CAMTA1: variants seen among roughly 807,000 people sequenced by gnomAD.
CAMTA1 encodes the protein calmodulin binding transcription activator 1, also known as calmodulin-binding transcription activator 1.
In CAMTA1, 27 loss-of-function variants were observed where a neutral mutation model predicts 170.9. That is an observed-to-expected ratio of 0.16 (90% CI 0.12 to 0.22). The LOEUF is 0.22. CAMTA1 is among the 10% of genes least tolerant of loss of function. The pLI is 1.00. For missense variants in CAMTA1, 1,619 were observed against 2,217.2 expected (o/e 0.73, Z 5.42); for synonymous variants, 833 against 891.5 (o/e 0.93, Z 1.17).
At chr1:7,076,169 G>T (rs1028545463) in intron 3 of CAMTA1, among the ~76,000 whole-genome samples, 2 of 152,194 alleles carry the variant, frequency 1.3e-5, no homozygotes, top group Non-Finnish European at 2.9e-5. Flanking sequence ...CTGCAGATCT[G>T]CTGGGACTGA....
At chr1:7,366,978 C>G (rs111543345) in intron 5 of CAMTA1, among the ~76,000 whole-genome samples, 16 of 149,922 alleles carry the variant, frequency 1.1e-4, no homozygotes, top group Non-Finnish European at 2.1e-4. Context: ...GCCTTCCCTT[C>G]TCCTCACCCC....
chr1:7,474,027 G>T (rs532302839), intron 6 of CAMTA1, among the ~76,000 whole-genome samples: 2 of 152,210 alleles, frequency 1.3e-5, no homozygotes, highest in Non-Finnish European at 2.9e-5. Context: ...CTGCCCTTCC[G>T]GGGCCACCCC....
At chr1:7,713,208 C>T (rs2096584607) in intron 11 of CAMTA1, among the ~76,000 whole-genome samples, 2 of 152,162 alleles carry the variant, frequency 1.3e-5, no homozygotes, top group Admixed American at 1.3e-4. Flanking sequence ...AACCATTTCC[C>T]ACACTGATCT....
At chr1:7,094,940 AAGAAG>A (rs1641892495) in intron 4 of CAMTA1, among the ~76,000 whole-genome samples, 1 of 152,032 alleles carries the variant, frequency 6.6e-6, no homozygotes. Flanking sequence ...GAATCTTGGA[AAGAAG>A]AGTGTCCTCT....
chr1:7,213,484 T>C (rs577002786), intron 4 of CAMTA1, among the ~76,000 whole-genome samples: 1 of 152,290 alleles, frequency 6.6e-6, no homozygotes, highest in Admixed American at 6.5e-5. Context: ...GCTTTGGGGG[T>C]TCTTTATATA....
intron 6 of CAMTA1, among the ~76,000 whole-genome samples, chr1:7,507,762 C>T (rs1263023524): frequency 6.6e-6 from 1 of 152,184 alleles, no homozygotes; most frequent in Non-Finnish European, 1.5e-5. Flanking sequence ...TAAGAGCAGA[C>T]CTGGACCCCA....
rs748201470 is a variant in CAMTA1, at chr1:7,007,354, C to T, written c.235-83950C>T. ...AGGGACCCGAAAATGGGAACCCTTG[C>T]TAAGGACACAGGCAGCTGTACGCCA... On this transcript the variant is annotated intron_variant, in intron 3 of 22. Coordinates refer to ENST00000303635, the MANE Select transcript of CAMTA1 (RefSeq NM_015215.4). The surrounding 1 kb of genome is among the most constrained non-coding windows in gnomAD (Gnocchi z 4.5). Among the ~76,000 whole-genome samples, 1 of 152,176 alleles carries T rather than the reference C, an allele frequency of 6.6e-6. No individual in the cohort carries two copies. The highest frequency in any genetic ancestry group is 2.4e-5 in the African/African-American group (1 of 41,426).
At chr1:6,953,042 T>C (rs2149484272) in intron 3 of CAMTA1, among the ~76,000 whole-genome samples, 1 of 152,280 alleles carries the variant, frequency 6.6e-6, no homozygotes. Context: ...ATCGGGTTCA[T>C]ATTTTTTGTA....
chr1:7,117,556 G>A lies in CAMTA1; in HGVS notation c.302+26185G>A, dbSNP rs552955113. Among the ~76,000 whole-genome samples the A allele has an allele frequency of 8.7e-4, 132 of 152,222 alleles. 1 individual carries two copies. Among genetic ancestry groups the A allele is most frequent in the African/African-American group, 2.6e-3 (106 of 41,546 alleles). On this transcript the variant is annotated intron_variant, in intron 4 of 22. Transcript: ENST00000303635. ...TGCCATGGATGACTTCCAGTTACCA[G>A]TGATTAAATAACCTAACTGGCTCAA...
chr1:7,242,599 G>A (rs2149265594), intron 4 of CAMTA1, among the ~76,000 whole-genome samples: 1 of 152,124 alleles, frequency 6.6e-6, no homozygotes, highest in East Asian at 1.9e-4. Flanking sequence ...TATTTTCCAT[G>A]TGCCTTCTAG....
intron 4 of CAMTA1, chr1:7,219,351 G>A (rs1459289515): frequency 2.6e-5 from 4 of 151,724 alleles, no homozygotes; most frequent in African/African-American, 4.8e-5. Context: ...TATCAAGAAG[G>A]GACCCGCCAT....
At chr1:7,036,983 A>G (rs12097009) in intron 3 of CAMTA1, among the ~76,000 whole-genome samples, 24,407 of 152,210 alleles carry the variant, frequency 0.16, 2,406 homozygotes, top group African/African-American at 0.28. Context: ...ACAGCCTGCT[A>G]TAGGAAGACT....
intron 4 of CAMTA1, among the ~76,000 whole-genome samples, chr1:7,174,817 G>A (rs965925244): frequency 4.6e-5 from 7 of 152,294 alleles, no homozygotes; most frequent in Non-Finnish European, 2.9e-5. Context: ...CGGCCCAGGC[G>A]AGGCAGAGGT....
At chr1:7,686,084 C>G (rs546595112) in intron 11 of CAMTA1, among the ~76,000 whole-genome samples, 14 of 152,372 alleles carry the variant, frequency 9.2e-5, no homozygotes, top group Admixed American at 2.0e-4. Context: ...CCACCTCCTT[C>G]CACCTGGGCT....
At chr1:7,661,416 G>A (rs2095956215) in intron 7 of CAMTA1, among the ~76,000 whole-genome samples, 1 of 152,158 alleles carries the variant, frequency 6.6e-6, no homozygotes, top group Non-Finnish European at 1.5e-5. Context: ...AGCACCCCTG[G>A]AAGAGCCGCC....
intron 4 of CAMTA1, among the ~76,000 whole-genome samples, chr1:7,176,138 T>C (rs1650770093): frequency 6.6e-6 from 1 of 152,256 alleles, no homozygotes; most frequent in Non-Finnish European, 1.5e-5. Flanking sequence ...TCTTGATTCA[T>C]GTTAAAACAA....
At chr1:6,812,147 T>C (rs1645244868) in intron 1 of CAMTA1, among the ~76,000 whole-genome samples, 2 of 152,236 alleles carry the variant, frequency 1.3e-5, no homozygotes, top group African/African-American at 4.8e-5. Context: ...TTACTTTTTC[T>C]GCCCGCATTT....
intron 3 of CAMTA1, among the ~76,000 whole-genome samples, chr1:6,926,434 TTTTCTCTTTCTTTC>T (rs1410167474): frequency 6.3e-5 from 8 of 127,360 alleles, no homozygotes; most frequent in African/African-American, 9.2e-5. Flanking sequence ...TCTTTCTTTC[TTTTCTCTTTCTTTC>T]TTTCTTTCTT....
At chr1:7,424,366 C>T (rs140352322) in intron 5 of CAMTA1, among the ~76,000 whole-genome samples, 145 of 144,226 alleles carry the variant, frequency 1.0e-3, no homozygotes, top group African/African-American at 3.6e-3. Flanking sequence ...TCTGCCAGAT[C>T]TTGGAAATAT....
Sources: gnomAD v4.1 joint callset for allele counts (sites outside exome capture counted in the v4.1 genomes callset) on GRCh38, gnomAD v4.1.1 for gene constraint, Gnocchi (gnomAD v3.1) non-coding constraint, MANE v1.5 for transcripts, NCBI Gene and HGNC (gene_info 2026-07-23, HGNC 2026-07-21) for gene names.